ATP2C2: variants seen among roughly 807,000 people sequenced by gnomAD.
ATP2C2 encodes calcium-transporting ATPase type 2C member 2.
ATP2C2 carries 171 observed loss-of-function variants against 110.8 expected under a neutral mutation model. The observed-to-expected ratio is 1.54, with a 90% CI of 1.36 to 1.75. The LOEUF is 1.75. Ranked by LOEUF, ATP2C2 falls within the 40% of genes most tolerant of loss-of-function variation. The probability of loss-of-function intolerance (pLI) is 0.00; values close to 1 mark genes in which losing one functional copy is unlikely to be tolerated. For missense variants in ATP2C2, 1,963 were observed against 1,235.0 expected, an observed-to-expected ratio of 1.59 and a Z score of -8.84; for synonymous variants, 804 against 508.4, an observed-to-expected ratio of 1.58 and a Z score of -7.82.
At chr16:84,444,162 C>CAAAAA (rs71151217) in intron 15 of ATP2C2, among the ~76,000 whole-genome samples, 104 of 104,538 alleles carry the variant, frequency 9.9e-4, no homozygotes, top group African/African-American at 3.1e-3. Context: ...GATCCTGCCT[C>CAAAAA]AAAAAAAAAA....
chr16:84,444,467 C>A (rs925058827), intron 15 of ATP2C2, among the ~76,000 whole-genome samples: 1 of 152,038 alleles, frequency 6.6e-6, no homozygotes, highest in Non-Finnish European at 1.5e-5. Context: ...AGCAAGACTC[C>A]GTCTCAAAAA....
At chr16:84,389,318 C>T (rs754929316) in intron 1 of ATP2C2, among the ~76,000 whole-genome samples, 23 of 151,162 alleles carry the variant, frequency 1.5e-4, no homozygotes, top group Non-Finnish European at 2.8e-4. Flanking sequence ...AGATTCCCCG[C>T]GATCTGCACT....
chr16:84,424,883 A>G (rs960558422), intron 10 of ATP2C2, among the ~76,000 whole-genome samples: 1 of 152,166 alleles, frequency 6.6e-6, no homozygotes, highest in Non-Finnish European at 1.5e-5. Flanking sequence ...GAATGCCACA[A>G]GGGTGGAGTG....
Position 84,463,685 on chromosome 16 carries a change from T to C in ATP2C2, c.2794T>C (p.Tyr932His), listed in dbSNP as rs774161847. The stretch of plus-strand genomic sequence containing the variant: ...AGAGCTCCTCAAACTATGTGAAAAA[T>C]ACTGTTGCAGCCCCAAGAGAGTCCA... ...LSELLKLCEK[Y>H]CCSPKRVQMH... Residue 932 changes from tyrosine (Y) to histidine (H), a missense_variant, in exon 27 of 27, where the codon TAC becomes CAC. Coordinates refer to ENST00000262429, the MANE Select transcript of ATP2C2 (RefSeq NM_014861.4). 1.9e-6 allele frequency: 3 copies of C among 1,614,032 alleles called. No individual in the cohort carries two copies. Among genetic ancestry groups the C allele is most frequent in the South Asian group, 2.2e-5 (2 of 91,090 alleles).
At chr16:84,382,374 C>G (rs1910628289) in intron 1 of ATP2C2, among the ~76,000 whole-genome samples, 1 of 152,132 alleles carries the variant, frequency 6.6e-6, no homozygotes, top group South Asian at 2.1e-4. Flanking sequence ...TTTTCTTTAT[C>G]CAGTCTATCA....
chr16:84,422,397 A>AC lies in ATP2C2; in HGVS notation c.634dup (p.Leu212ProfsTer5). On this transcript the variant is annotated frameshift_variant, in exon 8 of 27. Transcript: ENST00000262429. LOFTEE classifies it high-confidence loss of function. Reference sequence around the variant, plus strand: ...TTCCCCTTGCTCTCCTAGGTCACGGACCTCTTGGTGGATGAATCCAGTTTC... The same window carrying AC: ...TTCCCCTTGCTCTCCTAGGTCACGGACCCTCTTGGTGGATGAATCCAGTTTC... The AC allele has an allele frequency of 6.2e-7, 1 of 1,613,604 alleles. No homozygotes were observed. The highest frequency in any genetic ancestry group is 8.5e-7 in the Non-Finnish European group (1 of 1,179,836).
intron 1 of ATP2C2, among the ~76,000 whole-genome samples, chr16:84,384,383 C>T (rs533147313): frequency 5.3e-5 from 8 of 152,116 alleles, no homozygotes; most frequent in Non-Finnish European, 8.8e-5. Context: ...AATGTTTCCT[C>T]GGGATTTGGC....
At chr16:84,453,674 C>T (rs1478340020) in intron 20 of ATP2C2, among the ~76,000 whole-genome samples, 1 of 152,096 alleles carries the variant, frequency 6.6e-6, no homozygotes, top group Non-Finnish European at 1.5e-5. Context: ...GCAGGGGATG[C>T]TGGGAAGTGT....
intron 1 of ATP2C2, among the ~76,000 whole-genome samples, chr16:84,383,164 C>T (rs117347228): frequency 6.7e-4 from 102 of 152,308 alleles, no homozygotes; most frequent in South Asian, 2.1e-3. Flanking sequence ...CTACTGAGGC[C>T]GCAAGCAGGT....
intron 26 of ATP2C2, chr16:84,462,491 C>T (rs553913582): frequency 2.2e-4 from 43 of 198,174 alleles, no homozygotes; most frequent in South Asian, 6.6e-4. Context: ...CTGGACTTGA[C>T]CCTGGGGCCA....
chr16:84,463,645 C>T lies in ATP2C2; in HGVS notation c.2754C>T (p.Ser918=), dbSNP rs375028020. ...DLLFLTGLAS[S]VFILSELLKL... is the part of the protein sequence containing the mutation. ...TGTTTTTAACTGGATTGGCCTCATC[C>T]GTCTTCATTTTGTCAGAGCTCCTCA... The change falls in exon 27 of 27, where the codon TCC becomes TCT. Residue 918 remains serine, a synonymous_variant. Transcript: ENST00000262429. 21 of 1,614,176 alleles carry T rather than the reference C, an allele frequency of 1.3e-5. No homozygotes were observed. In the Middle Eastern group the frequency reaches 4.9e-4, roughly 38 times the overall value.
At chr16:84,390,726 A>G (rs1904605727) in intron 1 of ATP2C2, among the ~76,000 whole-genome samples, 1 of 152,296 alleles carries the variant, frequency 6.6e-6, no homozygotes, top group South Asian at 2.1e-4. Flanking sequence ...ACAACATTGC[A>G]AAGGTACTAG....
intron 15 of ATP2C2, among the ~76,000 whole-genome samples, chr16:84,446,014 G>A (rs16973814): frequency 7.9e-5 from 12 of 152,230 alleles, no homozygotes; most frequent in South Asian, 2.1e-4. Flanking sequence ...AGGGGGTTCC[G>A]TCTGAGAAAT....
chr16:84,460,408 C>T (rs915072440), intron 23 of ATP2C2: 2 of 578,570 alleles, frequency 3.5e-6, no homozygotes, highest in African/African-American at 1.9e-5. Flanking sequence ...GTGTGGTTGG[C>T]CTTACGGGGT....
chr16:84,421,737 C>A (rs56355217), intron 7 of ATP2C2, among the ~76,000 whole-genome samples: 2 of 152,296 alleles, frequency 1.3e-5, no homozygotes, highest in East Asian at 3.9e-4. Context: ...TAACTAGCTA[C>A]GGAAACTTGA....
At chr16:84,417,758 A>G (rs1363737492) in intron 7 of ATP2C2, among the ~76,000 whole-genome samples, 2 of 152,218 alleles carry the variant, frequency 1.3e-5, no homozygotes, top group Non-Finnish European at 2.9e-5. Context: ...TATTGATACC[A>G]CGAAGGTTAT....
chr16:84,416,755 G>C lies in ATP2C2; in HGVS notation c.624+1164G>C, dbSNP rs992255145. Among the ~76,000 whole-genome samples the C allele has an allele frequency of 6.6e-5, 10 of 152,116 alleles. No individual in the cohort carries two copies. In the South Asian group the frequency reaches 1.0e-3, roughly 16 times the overall value. On this transcript the variant is annotated intron_variant, in intron 7 of 26. Transcript: ENST00000262429. ...TAGCACCAGATACAGATCCTCTGTGGCCCCCGCCTCTCCCCGTGTTCAGCT... is the reference window on the plus strand; with the variant it reads ...TAGCACCAGATACAGATCCTCTGTGCCCCCCGCCTCTCCCCGTGTTCAGCT...
At chr16:84,384,903 G>A (rs1235315163) in intron 1 of ATP2C2, among the ~76,000 whole-genome samples, 1 of 152,154 alleles carries the variant, frequency 6.6e-6, no homozygotes, top group East Asian at 1.9e-4. Flanking sequence ...TACAAAATTA[G>A]CCGGGCTTGG....
At chr16:84,428,405 G>A (rs767019764) in intron 11 of ATP2C2, among the ~76,000 whole-genome samples, 1 of 152,258 alleles carries the variant, frequency 6.6e-6, no homozygotes, top group African/African-American at 2.4e-5. Context: ...CATGTGGGCA[G>A]CTGTGTGTCC....
Sources: gnomAD v4.1 joint callset for allele counts (sites outside exome capture counted in the v4.1 genomes callset) on GRCh38, gnomAD v4.1.1 for gene constraint, MANE v1.5 for transcripts, NCBI Gene and HGNC (gene_info 2026-07-23, HGNC 2026-07-21) for gene names.